IL7: variants seen among roughly 807,000 people sequenced by gnomAD.
IL7 encodes interleukin-7.
A neutral mutation model predicts 21.6 loss-of-function variants in IL7; 3 were observed. The observed-to-expected ratio is 0.14, with a 90% confidence interval of 0.06 to 0.36. The LOEUF is 0.36. Ranked by LOEUF, IL7 falls within the 10% of genes least tolerant of loss-of-function variation. IL7 has a pLI of 1.00. For synonymous variants in IL7, 62 were observed against 68.1 expected (o/e 0.91, Z 0.44); for missense variants, 175 against 200.2 (o/e 0.87, Z 0.76).
chr8:78,697,298 C>A, intron 3 of IL7: 1 of 861,896 alleles, frequency 1.2e-6, no homozygotes, highest in Non-Finnish European at 1.7e-6. Flanking sequence ...CTCTTTTCAT[C>A]TTGTAAGGCT....
rs371962432 is a variant in IL7, at chr8:78,697,468, G to A, written n.215-11521C>T. ...GGAACTGCATCATCAGGATCTTCAC[G>A]ATTACCGCAGCCAAGTGGCGCTGGC... On this transcript the variant is annotated intron_variant and non_coding_transcript_variant, in intron 3 of 4. Transcript: ENST00000523959. 1.0e-4 allele frequency: 164 copies of A among 1,610,216 alleles called. No individual in the cohort carries two copies. Among genetic ancestry groups the A allele is most frequent in the Non-Finnish European group, 9.4e-5 (111 of 1,179,128 alleles).
intron 2 of IL7, among the ~76,000 whole-genome samples, chr8:78,756,726 G>A (rs1812361321): frequency 1.3e-5 from 2 of 151,694 alleles, no homozygotes; most frequent in Admixed American, 6.6e-5. Context: ...AGTCCAGCTA[G>A]TGGTTTATTT....
intron 3 of IL7, chr8:78,686,482 A>G (rs752341988): frequency 1.3e-6 from 2 of 1,510,840 alleles, no homozygotes; most frequent in African/African-American, 2.8e-5. Flanking sequence ...ACCACCAAAG[A>G]AACCATCTAA....
rs1812736745 is a variant in IL7 at position 78,765,764 on chromosome 8, A to G, written c.148-25682T>C. Among the ~76,000 whole-genome samples, 3 of 152,152 alleles carry G rather than the reference A, an allele frequency of 2.0e-5. 1 individual carries two copies. Among genetic ancestry groups the G allele is most frequent in the Admixed American group, 2.0e-4 (3 of 15,274 alleles). ...AAACAGTACAGCCACTTTGAAAGAC[A>G]GTTTGGTGGTCTTCTACAAAACTAA... On this transcript the variant is annotated intron_variant, in intron 2 of 5. Coordinates refer to ENST00000263851, the MANE Select transcript of IL7 (RefSeq NM_000880.4).
chr8:78,761,592 A>G, intron 2 of IL7: 4 of 1,611,908 alleles, frequency 2.5e-6, no homozygotes, highest in Admixed American at 1.7e-5. Context: ...AACCTCACCA[A>G]CACAGGTAGG....
chr8:78,738,408 G>A (rs1811662689), intron 4 of IL7, 96 bp downstream of exon 4: 2 of 1,030,362 alleles, frequency 1.9e-6, no homozygotes, highest in Non-Finnish European at 2.8e-6. Flanking sequence ...AAACACTTAG[G>A]ATTCTATGAT....
In IL7 at chr8:78,736,545, AT is replaced by A; in HGVS notation, c.361-19del. 6.5e-7 allele frequency: 1 copy of A among 1,537,986 alleles called. No individual in the cohort carries two copies. Among genetic ancestry groups the A allele is most frequent in the Non-Finnish European group, 9.0e-7 (1 of 1,117,178 alleles). On this transcript the variant is annotated intron_variant, in intron 4 of 5. Coordinates refer to ENST00000263851, the MANE Select transcript of IL7 (RefSeq NM_000880.4). ...CCTTTAACCTTAAAAACAAAGTCAC[AT>A]TTATAATATTGAATATTTCTTCATT...
chr8:78,775,923 A>G (rs904206986), intron 2 of IL7, among the ~76,000 whole-genome samples: 1 of 152,056 alleles, frequency 6.6e-6, no homozygotes, highest in African/African-American at 2.4e-5. Flanking sequence ...TTAAATAGCC[A>G]CTTCTACATT....
chr8:78,790,926 A>G (rs934432399), intron 2 of IL7, among the ~76,000 whole-genome samples: 8 of 152,090 alleles, frequency 5.3e-5, no homozygotes, highest in Admixed American at 2.0e-4. Context: ...AATCTCAAAA[A>G]AAAAAAAAGT....
At chr8:78,746,335 G>C (rs1811976929) in intron 2 of IL7, among the ~76,000 whole-genome samples, 1 of 152,202 alleles carries the variant, frequency 6.6e-6, no homozygotes, top group Non-Finnish European at 1.5e-5. Flanking sequence ...CAGGATTAGA[G>C]GATCTATTCC....
chr8:78,789,031 T>C (rs1396630067), intron 2 of IL7, among the ~76,000 whole-genome samples: 1 of 152,178 alleles, frequency 6.6e-6, no homozygotes, highest in Non-Finnish European at 1.5e-5. Flanking sequence ...CTGAAATGAA[T>C]ATAGCTACTC....
At chr8:78,780,884 C>CT (rs1156414881) in intron 2 of IL7, among the ~76,000 whole-genome samples, 3 of 152,118 alleles carry the variant, frequency 2.0e-5, no homozygotes, top group Admixed American at 2.0e-4. Flanking sequence ...TTGTATGTCT[C>CT]TAAGAATATG....
intron 2 of IL7, 35 bp from the exon 3 acceptor site, chr8:78,740,117 CTG>C (rs754037809): frequency 8.2e-6 from 10 of 1,219,030 alleles, no homozygotes. Flanking sequence ...ATGGTTAAAA[CTG>C]AGTACTTTTC....
chr8:78,749,515 A>G (rs73687548), intron 2 of IL7, among the ~76,000 whole-genome samples: 1,842 of 152,282 alleles, frequency 0.012, 31 homozygotes, highest in African/African-American at 0.041. Context: ...AGATAGAACC[A>G]CAACTTACTG....
At chr8:78,726,874 A>G (rs1307886236) in intron 3 of IL7, among the ~76,000 whole-genome samples, 1 of 152,030 alleles carries the variant, frequency 6.6e-6, no homozygotes, top group African/African-American at 2.4e-5. Context: ...GTTTCTTAAT[A>G]TAGTACCCTA....
intron 3 of IL7, among the ~76,000 whole-genome samples, chr8:78,689,892 G>A (rs547446176): frequency 1.4e-4 from 22 of 152,154 alleles, no homozygotes; most frequent in Non-Finnish European, 2.4e-4. Flanking sequence ...TACTAGGATT[G>A]CAAAGATTTT....
At chr8:78,749,687 G>C (rs796117237) in intron 2 of IL7, among the ~76,000 whole-genome samples, 21 of 152,260 alleles carry the variant, frequency 1.4e-4, no homozygotes, top group African/African-American at 5.1e-4. Context: ...ATACTTTTAT[G>C]AGTTTGATCT....
At chr8:78,751,242 G>T (rs926807821) in intron 2 of IL7, among the ~76,000 whole-genome samples, 3 of 152,060 alleles carry the variant, frequency 2.0e-5, no homozygotes, top group Non-Finnish European at 4.4e-5. Flanking sequence ...AGAAAAGAAT[G>T]CAAAGTGGAG....
At chr8:78,736,730 T>G (rs1347809883) in intron 4 of IL7, among the ~76,000 whole-genome samples, 2 of 152,162 alleles carry the variant, frequency 1.3e-5, no homozygotes, top group Non-Finnish European at 2.9e-5. Context: ...GATAGTTCAG[T>G]CTTCTGAATA....
Sources: gnomAD v4.1 joint callset for allele counts (sites outside exome capture counted in the v4.1 genomes callset) on GRCh38, gnomAD v4.1.1 for gene constraint, MANE v1.5 for transcripts, NCBI Gene and HGNC (gene_info 2026-07-23, HGNC 2026-07-21) for gene names.